FREM2: variants seen among roughly 807,000 people sequenced by gnomAD.
FREM2 encodes FRAS1 related extracellular matrix 2.
In FREM2, 119 loss-of-function variants were observed where a neutral mutation model predicts 219.9. The ratio of observed to expected loss-of-function variants is 0.54; its 90% CI spans 0.47 to 0.63. The LOEUF is 0.63. Ranked by LOEUF, FREM2 falls within the 30% of genes least tolerant of loss-of-function variation. The pLI is 0.00. For missense variants in FREM2, 4,030 were observed against 3,993.6 expected, an observed-to-expected ratio of 1.01 and a Z score of -0.25; for synonymous variants, 1,562 against 1,522.8, an observed-to-expected ratio of 1.03 and a Z score of -0.60.
chr13:38,880,855 C>G lies in FREM2; in HGVS notation c.*68C>G. 1 of 1,553,184 alleles carries G rather than the reference C, an allele frequency of 6.4e-7. No individual in the cohort carries two copies. Reference sequence around the variant, plus strand: ...AAAGATCACAATGGAACCTTAAATACTTCTGGTAAACCATAGAGAATGGAG... The same window carrying G: ...AAAGATCACAATGGAACCTTAAATAGTTCTGGTAAACCATAGAGAATGGAG... On this transcript the variant is annotated 3_prime_UTR_variant, in exon 24 of 24. Transcript: ENST00000280481.
At position 38,766,443 on chromosome 13, in the gene FREM2, G is replaced by A. The variant is rs1417334652; in HGVS notation, c.5410+1993G>A. Among the ~76,000 whole-genome samples, 10 of 152,170 alleles carry A rather than the reference G, an allele frequency of 6.6e-5. No individual in the cohort carries two copies. In the East Asian group the frequency reaches 1.9e-3, roughly 29 times the overall value. On this transcript the variant is annotated intron_variant, in intron 3 of 23. Transcript: ENST00000280481. The stretch of plus-strand genomic sequence containing the variant: ...TGGCCCACATCCTTCAGTCATTGAA[G>A]ATGGTAACGGAATTCATGCTAGGAC...
chr13:38,720,837 C>G (rs1871204937), intron 2 of FREM2, among the ~76,000 whole-genome samples: 1 of 152,092 alleles, frequency 6.6e-6, no homozygotes, highest in Non-Finnish European at 1.5e-5. Flanking sequence ...AGGGAGATGT[C>G]AGGATGTCCA....
chr13:38,770,002 TATATGTATA>T (rs1292110278), intron 4 of FREM2, among the ~76,000 whole-genome samples, 194 bp downstream of exon 4: 3 of 149,444 alleles, frequency 2.0e-5, no homozygotes, highest in Non-Finnish European at 3.0e-5. Flanking sequence ...AAGAATGCTA[TATATGTATA>T]ATATGTATAA....
At chr13:38,695,414 T>G (rs74841508) in intron 1 of FREM2, among the ~76,000 whole-genome samples, 4,922 of 152,302 alleles carry the variant, frequency 0.032, 96 homozygotes, top group East Asian at 0.077. Context: ...ATAGTTGCAT[T>G]TATGTTTTCT....
chr13:38,830,876 G>C (rs931240767), intron 6 of FREM2, among the ~76,000 whole-genome samples: 3 of 152,276 alleles, frequency 2.0e-5, no homozygotes, highest in Non-Finnish European at 2.9e-5. Flanking sequence ...TCCCAGACTA[G>C]CAGCTGAAGG....
In FREM2 at chr13:38,690,402, A is replaced by G. The variant is rs143904027; in HGVS notation, c.3058A>G (p.Ser1020Gly). 2.5e-5 allele frequency: 40 copies of G among 1,614,028 alleles called. 1 individual carries two copies. The highest frequency in any genetic ancestry group is 3.2e-5 in the Non-Finnish European group (38 of 1,179,982). Residue 1020 changes from serine to glycine, a missense_variant, in exon 1 of 24, where the codon AGT becomes GGT. This residue lies in a region of FREM2 where 3,102 missense variants were observed against 2,950.7 expected (regional missense o/e 1.05). Coordinates refer to ENST00000280481, the MANE Select transcript of FREM2 (RefSeq NM_207361.6). ...GGGCTCTGTTGTATATACCCACACC[A>G]GTGGTGAGATAGGCCTATTGCCTAA... The part of the protein sequence containing the change: ...LEGSVVYTHT[S>G]GEIGLLPKAD...
intron 15 of FREM2, among the ~76,000 whole-genome samples, chr13:38,863,059 T>G (rs1393268361): frequency 6.6e-6 from 1 of 151,688 alleles, no homozygotes; most frequent in South Asian, 2.1e-4. Flanking sequence ...TTATAAAAAT[T>G]TTTTTTTTGA....
chr13:38,848,429 C>T, intron 7 of FREM2, 32 bp from the exon 8 acceptor site: 1 of 1,465,120 alleles, frequency 6.8e-7, no homozygotes, highest in South Asian at 1.1e-5. Context: ...TTAATTAGTC[C>T]CCAACTGAAT....
In FREM2 at chr13:38,872,908, G is replaced by A. The variant is rs988913929; in HGVS notation, c.8150G>A (p.Gly2717Asp). The part of the protein sequence containing the change: ...DTAILWNDGI[G>D]SPPEAELQGS... ...GCCATCTTGTGGAATGATGGAATTG[G>A]CAGCCCCCCAGAGGCTGAACTTCAA... Residue 2717 changes from glycine to aspartate, a missense_variant, in exon 17 of 24, where the codon GGC becomes GAC. Physicochemically the swap from Gly to Asp is moderately conservative, Grantham distance 94. Coordinates refer to ENST00000280481, the MANE Select transcript of FREM2 (RefSeq NM_207361.6). 8.1e-6 allele frequency: 13 copies of A among 1,613,898 alleles called. No individual in the cohort carries two copies. The East Asian group carries it at 2.7e-4, about 33-fold the overall frequency.
chr13:38,870,304 G>C (rs146776208), intron 16 of FREM2, among the ~76,000 whole-genome samples: 1 of 152,112 alleles, frequency 6.6e-6, no homozygotes, highest in Non-Finnish European at 1.5e-5. Flanking sequence ...AAATTTGACA[G>C]TGTGTTACTT....
chr13:38,779,218 G>A (rs1471754071), intron 4 of FREM2, among the ~76,000 whole-genome samples: 1 of 151,840 alleles, frequency 6.6e-6, no homozygotes, highest in Non-Finnish European at 1.5e-5. Context: ...CACACACTGG[G>A]GCTTGTCGGG....
chr13:38,864,304 C>G lies in FREM2; in HGVS notation c.7681C>G (p.Leu2561Val). The G allele has an allele frequency of 1.2e-6, 2 of 1,614,152 alleles. No homozygotes were observed. Among genetic ancestry groups the G allele is most frequent in the Non-Finnish European group, 1.7e-6 (2 of 1,179,956 alleles). The change falls in exon 16 of 24, where the codon CTT becomes GTT. Residue 2561 changes from leucine to valine, a missense_variant. Physicochemically the swap from Leu to Val is conservative, Grantham distance 32. Around this residue, in one of 2 missense-constraint regions of FREM2, gnomAD observed 928 missense variants for 1,042.9 expected, o/e 0.89. Transcript: ENST00000280481. ...GCTCCCCGTGATCTCCACTAGAGAG[C>G]TTTCCAACTTTGAGCTCACCCTCAG... ...GMLPVISTRE[L>V]SNFELTLSPD...
intron 6 of FREM2, among the ~76,000 whole-genome samples, chr13:38,813,512 CTCTCTCCT>C (rs1566151531): frequency 1.8e-4 from 2 of 11,048 alleles, no homozygotes; most frequent in African/African-American, 5.6e-4. Flanking sequence ...CTCTCTCTCT[CTCTCTCCT>C]CTCTCTCTCT....
chr13:38,880,290 C>G lies in FREM2; in HGVS notation c.9013C>G (p.Leu3005Val), dbSNP rs148812741. 6.8e-6 allele frequency: 11 copies of G among 1,613,564 alleles called. No individual in the cohort carries two copies. The highest frequency in any genetic ancestry group is 2.7e-5 in the African/African-American group (2 of 74,864). Residue 3005 changes from leucine to valine, a missense_variant, in exon 24 of 24, where the codon CTA (leucine) becomes GTA (valine). Leu to Val is a conservative substitution (Grantham distance 32). This residue lies in a region of FREM2 where 928 missense variants were observed against 1,042.9 expected (regional missense o/e 0.89). Transcript: ENST00000280481. Reference sequence around the variant, plus strand: ...ATAGAGTTGTGCTTTCTAGGTCGCTCTAGGCCGAGAATGGTATATACATAC... The same window carrying G: ...ATAGAGTTGTGCTTTCTAGGTCGCTGTAGGCCGAGAATGGTATATACATAC... Reference protein sequence around the residue: ...VDSTPLFQVALGREWYIHTIY... With the variant: ...VDSTPLFQVAVGREWYIHTIY...
At chr13:38,841,158 G>C (rs1351693340) in intron 6 of FREM2, among the ~76,000 whole-genome samples, 1 of 152,132 alleles carries the variant, frequency 6.6e-6, no homozygotes, top group Non-Finnish European at 1.5e-5. Flanking sequence ...CTCAGTGGGT[G>C]GTTGTGAGGA....
chr13:38,869,598 T>G (rs1878090225), intron 16 of FREM2, among the ~76,000 whole-genome samples: 1 of 152,222 alleles, frequency 6.6e-6, no homozygotes, highest in Non-Finnish European at 1.5e-5. Context: ...GGAATTTCTC[T>G]AATGATATTT....
chr13:38,880,668 G>A lies in FREM2; in HGVS notation c.9391G>A (p.Ala3131Thr). The change falls in exon 24 of 24, where the codon GCA becomes ACA. Residue 3131 changes from alanine to threonine, a missense_variant. Ala to Thr is a moderately conservative substitution (Grantham distance 58). Transcript: ENST00000280481. ...ACTCACCATCTGCCTCACTGTCATT[G>A]CAGTGCTGATGTGCAGGGGCAAGGA... is the stretch of plus-strand genomic sequence containing the variant. The part of the protein sequence containing the change: ...GLLTICLTVI[A>T]VLMCRGKESF... The A allele has an allele frequency of 1.2e-6, 2 of 1,614,204 alleles. No individual in the cohort carries two copies. The highest frequency in any genetic ancestry group is 1.6e-4 in the Middle Eastern group (1 of 6,062).
In FREM2 at chr13:38,699,532, G is replaced by A. The variant is rs184153350; in HGVS notation, c.5263+1745G>A. 1.4e-4 allele frequency among the ~76,000 whole-genome samples: 21 copies of A among 152,240 alleles called. 1 individual carries two copies. Among genetic ancestry groups the A allele is most frequent in the Admixed American group, 7.8e-4 (12 of 15,292 alleles). ...CAAGGCCTCCAAAGATTGTCTTTAT[G>A]GAAGTAGGAACATATCATTTTAGGA... On this transcript the variant is annotated intron_variant, in intron 2 of 23. Transcript: ENST00000280481.
intron 2 of FREM2, among the ~76,000 whole-genome samples, chr13:38,742,839 A>C (rs1872304311): frequency 6.6e-6 from 1 of 152,218 alleles, no homozygotes; most frequent in African/African-American, 2.4e-5. Context: ...TGAACCAACA[A>C]CATGTTTGAA....
Sources: gnomAD v4.1 joint callset for allele counts (sites outside exome capture counted in the v4.1 genomes callset) on GRCh38, gnomAD v4.1.1 for gene constraint, gnomAD v4.1.1 regional missense constraint, MANE v1.5 for transcripts, NCBI Gene and HGNC (gene_info 2026-07-23, HGNC 2026-07-21) for gene names.